Variants in LDB2 observed in about 807,000 individuals in gnomAD.
The protein encoded by LDB2 is LIM domain-binding protein 2.
LDB2 carries 12 observed loss-of-function variants against 44.3 expected under a neutral mutation model. That is an observed-to-expected ratio of 0.27 (90% CI 0.17 to 0.44). The LOEUF (loss-of-function observed/expected upper bound fraction) is 0.44. LDB2 is among the 20% of genes least tolerant of loss of function. LDB2 has a pLI of 1.00. For missense variants in LDB2, 344 were observed against 473.5 expected (o/e 0.73, Z 2.54); for synonymous variants, 164 against 174.8 (o/e 0.94, Z 0.49).
At chr4:16,613,338 C>T (rs556577882) in intron 2 of LDB2, among the ~76,000 whole-genome samples, 77 of 152,272 alleles carry the variant, frequency 5.1e-4, no homozygotes, top group African/African-American at 1.7e-3. Flanking sequence ...TCTTATTCAA[C>T]ATAGTATTGG....
chr4:16,549,801 A>G (rs1410997815), intron 5 of LDB2, among the ~76,000 whole-genome samples: 1 of 152,234 alleles, frequency 6.6e-6, no homozygotes, highest in Non-Finnish European at 1.5e-5. Context: ...ACTCCCATGA[A>G]CATACCAGTT....
chr4:16,824,168 A>G (rs1782610733), intron 1 of LDB2, among the ~76,000 whole-genome samples: 1 of 152,208 alleles, frequency 6.6e-6, no homozygotes, highest in Non-Finnish European at 1.5e-5. Context: ...TTTGGTTTTT[A>G]GACACAAATG....
chr4:16,590,265 T>C (rs1718457648), intron 3 of LDB2, among the ~76,000 whole-genome samples: 1 of 152,184 alleles, frequency 6.6e-6, no homozygotes, highest in Admixed American at 6.5e-5. Context: ...TCAAGCTTTT[T>C]GGAGAAAGAT....
chr4:16,570,176 T>G (rs1438981880), intron 5 of LDB2, among the ~76,000 whole-genome samples: 1 of 152,032 alleles, frequency 6.6e-6, no homozygotes, highest in Non-Finnish European at 1.5e-5. Flanking sequence ...TCAAAAAGTT[T>G]ACATCGGCTG....
chr4:16,570,467 A>AAAAAAAAAAAAAAG (rs1746092158), intron 5 of LDB2, among the ~76,000 whole-genome samples: 1 of 87,162 alleles, frequency 1.1e-5, no homozygotes, highest in African/African-American at 6.4e-5. Context: ...TGTCTCAAAA[A>AAAAAAAAAAAAAAG]AAAAAAAAAA....
intron 1 of LDB2, among the ~76,000 whole-genome samples, chr4:16,870,688 C>T (rs944339109): frequency 6.6e-6 from 1 of 152,098 alleles, no homozygotes; most frequent in African/African-American, 2.4e-5. Context: ...GGCTGGAGTG[C>T]AGCGGTGCAA....
rs184945221 is a variant in LDB2 at position 16,780,872 on chromosome 4, G to C, written c.133-21612C>G. On this transcript the variant is annotated intron_variant, in intron 1 of 7. Transcript: ENST00000304523. Reference sequence around the variant, plus strand: ...CAGTGAGGCAATAGCTTCTTGGAAGGTTAAGCAATTTATCCACAGTGAGAT... The same window carrying C: ...CAGTGAGGCAATAGCTTCTTGGAAGCTTAAGCAATTTATCCACAGTGAGAT... Among the ~76,000 whole-genome samples, 316 of 152,248 alleles carry C rather than the reference G, an allele frequency of 2.1e-3. 2 individuals are homozygous for C. The highest frequency in any genetic ancestry group is 2.8e-3 in the Non-Finnish European group (190 of 68,028).
intron 1 of LDB2, among the ~76,000 whole-genome samples, chr4:16,841,668 G>A (rs1245677055): frequency 6.6e-6 from 1 of 152,188 alleles, no homozygotes; most frequent in African/African-American, 2.4e-5. Context: ...GAGATAGGAT[G>A]CAGTATGTGC....
intron 5 of LDB2, among the ~76,000 whole-genome samples, chr4:16,565,445 T>G (rs1188696579): frequency 1.3e-5 from 2 of 152,158 alleles, no homozygotes. Context: ...TCCATTTTTT[T>G]TTTACTTTAA....
In LDB2 at chr4:16,708,321, A is replaced by T. The variant is rs73241005; in HGVS notation, c.235+50837T>A. Among the ~76,000 whole-genome samples, 287 of 152,244 alleles carry T rather than the reference A, an allele frequency of 1.9e-3. 1 individual carries two copies. Among genetic ancestry groups the T allele is most frequent in the Middle Eastern group, 6.8e-3 (2 of 294 alleles). The stretch of plus-strand genomic sequence containing the variant: ...ACAGAGCGAGACCCTGTCTTAAAAA[A>T]AATTAATAAATAAATTTTGAAAATT... On this transcript the variant is annotated intron_variant, in intron 2 of 7. Coordinates refer to ENST00000304523, the MANE Select transcript of LDB2 (RefSeq NM_001290.5).
intron 5 of LDB2, among the ~76,000 whole-genome samples, chr4:16,548,384 C>A (rs544862107): frequency 6.6e-6 from 1 of 152,298 alleles, no homozygotes; most frequent in East Asian, 1.9e-4. Flanking sequence ...CCTCTTTCCA[C>A]TCATTCTTTC....
intron 5 of LDB2, among the ~76,000 whole-genome samples, chr4:16,555,520 G>A (rs2055418): frequency 0.82 from 124,688 of 152,138 alleles, 52,015 homozygotes; most frequent in Non-Finnish European, 0.89. Flanking sequence ...CACATGAAGT[G>A]TGTCATGCCT....
intron 5 of LDB2, among the ~76,000 whole-genome samples, chr4:16,517,275 T>C (rs559241317): frequency 6.7e-4 from 102 of 151,968 alleles, no homozygotes; most frequent in Non-Finnish European, 1.2e-3. Flanking sequence ...CTAGGAAGAG[T>C]CCCCTGTTTG....
intron 2 of LDB2, among the ~76,000 whole-genome samples, chr4:16,647,982 C>T (rs1214665051): frequency 6.6e-6 from 1 of 152,210 alleles, no homozygotes; most frequent in Non-Finnish European, 1.5e-5. Context: ...CTCTTTCCCA[C>T]AATGCATCTC....
intron 1 of LDB2, among the ~76,000 whole-genome samples, chr4:16,864,861 G>A (rs1196497206): frequency 2.0e-5 from 3 of 152,098 alleles, no homozygotes; most frequent in Admixed American, 6.5e-5. Context: ...GGGGGCAGAG[G>A]TTGCAGTGAG....
chr4:16,585,886 A>G (rs780891453), intron 5 of LDB2, 36 bp downstream of exon 5: 2 of 1,552,532 alleles, frequency 1.3e-6, no homozygotes, highest in Non-Finnish European at 1.8e-6. Flanking sequence ...TACTTTTCAA[A>G]CTCACCAAAA....
chr4:16,543,949 C>G (rs553081545), intron 5 of LDB2, among the ~76,000 whole-genome samples: 1 of 152,260 alleles, frequency 6.6e-6, no homozygotes, highest in East Asian at 1.9e-4. Context: ...TTTTCTCCCT[C>G]TCTCTTTTTT....
At chr4:16,701,373 A>G (rs563167997) in intron 2 of LDB2, among the ~76,000 whole-genome samples, 2 of 152,312 alleles carry the variant, frequency 1.3e-5, no homozygotes, top group South Asian at 4.1e-4. Context: ...TTGAGTGTCC[A>G]AGACCTGCCT....
rs181148126 is a variant in LDB2 at position 16,582,177 on chromosome 4, T to G, written c.615+3745A>C. The stretch of plus-strand genomic sequence containing the variant: ...AGCAATTTCTCTCCAAGAGTGTATT[T>G]GTTTTTCTTTCTTACATTCTAGGCA... On this transcript the variant is annotated intron_variant, in intron 5 of 7. Coordinates refer to ENST00000304523, the MANE Select transcript of LDB2 (RefSeq NM_001290.5). This position sits in a 1 kb window ranked among gnomAD's most constrained non-coding sequence, Gnocchi z 4.8. 6.6e-6 allele frequency among the ~76,000 whole-genome samples: 1 copy of G among 152,344 alleles called. No homozygotes were observed. The highest frequency in any genetic ancestry group is 1.5e-5 in the Non-Finnish European group (1 of 68,026).
Sources: allele counts gnomAD v4.1 joint callset (sites outside exome capture counted in the v4.1 genomes callset), GRCh38; gene constraint gnomAD v4.1.1; non-coding constraint Gnocchi (gnomAD v3.1); transcripts MANE v1.5; gene names NCBI Gene and HGNC (gene_info 2026-07-23, HGNC 2026-07-21).